The following PTPRN2 variants were observed in gnomAD, a reference collection of about 807,000 sequenced individuals.
PTPRN2 encodes the protein receptor-type tyrosine-protein phosphatase N2.
In PTPRN2, 74 loss-of-function variants were observed where a neutral mutation model predicts 118.8. The observed-to-expected ratio is 0.62, with a 90% confidence interval of 0.52 to 0.76. PTPRN2 has a LOEUF of 0.76. Ranked by LOEUF, PTPRN2 falls within the 30% of genes least tolerant of loss-of-function variation. The pLI is 0.00. For synonymous variants in PTPRN2, 641 were observed against 608.0 expected, an observed-to-expected ratio of 1.05 and a Z score of -0.80; for missense variants, 1,481 against 1,394.4, an observed-to-expected ratio of 1.06 and a Z score of -0.99.
At chr7:158,077,156 G>A (rs938809336) in intron 11 of PTPRN2, among the ~76,000 whole-genome samples, 6 of 152,164 alleles carry the variant, frequency 3.9e-5, no homozygotes, top group South Asian at 2.1e-4. Context: ...TCCAGGCATC[G>A]GCACAGAGTC....
chr7:158,584,488 T>C (rs565975436), intron 1 of PTPRN2, among the ~76,000 whole-genome samples: 1 of 152,224 alleles, frequency 6.6e-6, no homozygotes, highest in East Asian at 1.9e-4. Context: ...CACAGCAATG[T>C]TATTTTGGCT....
At chr7:158,275,986 G>A (rs572530891) in intron 3 of PTPRN2, among the ~76,000 whole-genome samples, 192 of 152,232 alleles carry the variant, frequency 1.3e-3, no homozygotes, top group Non-Finnish European at 2.5e-3. Context: ...CAGCATCCCC[G>A]CCGCCTTACA....
chr7:157,699,276 C>T (rs1797955116), intron 12 of PTPRN2, among the ~76,000 whole-genome samples: 1 of 152,160 alleles, frequency 6.6e-6, no homozygotes, highest in Non-Finnish European at 1.5e-5. Flanking sequence ...ACAGCAACAG[C>T]CTGACAAAGC....
chr7:158,459,443 G>A (rs1465202664), intron 2 of PTPRN2, among the ~76,000 whole-genome samples: 1 of 152,134 alleles, frequency 6.6e-6, no homozygotes, highest in East Asian at 1.9e-4. Flanking sequence ...GCCCCTGCCT[G>A]GGACGAACGG....
intron 2 of PTPRN2, among the ~76,000 whole-genome samples, chr7:158,380,396 T>A (rs1442437781): frequency 6.6e-6 from 1 of 152,206 alleles, no homozygotes; most frequent in East Asian, 1.9e-4. Flanking sequence ...ACAAAGAGGC[T>A]ACAGGCCCCA....
intron 1 of PTPRN2, among the ~76,000 whole-genome samples, chr7:158,523,591 A>G (rs112069856): frequency 0.038 from 1,137 of 30,224 alleles, 14 homozygotes; most frequent in Middle Eastern, 0.091. Flanking sequence ...GAGTGGAGTC[A>G]TCTGCCCTGG....
intron 2 of PTPRN2, among the ~76,000 whole-genome samples, chr7:158,357,168 G>A (rs1051846402): frequency 6.6e-6 from 1 of 152,228 alleles, no homozygotes; most frequent in Non-Finnish European, 1.5e-5. Flanking sequence ...TGAACACGGG[G>A]CTTGTTTGCA....
intron 12 of PTPRN2, among the ~76,000 whole-genome samples, chr7:157,841,457 C>G (rs983708442): frequency 6.6e-6 from 1 of 152,216 alleles, no homozygotes; most frequent in Non-Finnish European, 1.5e-5. Context: ...GAAGGATCCT[C>G]CCCTTCCCAC....
Position 158,563,384 on chromosome 7 carries a change from G to A in PTPRN2, c.112+24174C>T, listed in dbSNP as rs1384476141. On this transcript the variant is annotated intron_variant, in intron 1 of 22. Transcript: ENST00000389418. The surrounding 1 kb of genome is among the most constrained non-coding windows in gnomAD (Gnocchi z 5.1). Reference sequence around the variant, plus strand: ...AGTGAGAACAAAAGCATCACAAAATGCAAGTCTTATTACTGCAGCAGTTTG... The same window carrying A: ...AGTGAGAACAAAAGCATCACAAAATACAAGTCTTATTACTGCAGCAGTTTG... Among the ~76,000 whole-genome samples, 1 of 152,228 alleles carries A rather than the reference G, an allele frequency of 6.6e-6. No individual in the cohort carries two copies. The highest frequency in any genetic ancestry group is 2.1e-4 in the South Asian group (1 of 4,834).
chr7:158,062,336 G>C (rs1810407962), intron 11 of PTPRN2, among the ~76,000 whole-genome samples: 1 of 152,388 alleles, frequency 6.6e-6, no homozygotes, highest in South Asian at 2.1e-4. Context: ...TGCTGTTACA[G>C]TCAGTGCACA....
Position 157,744,602 on chromosome 7 carries a change from G to C in PTPRN2, c.1789-61665C>G, listed in dbSNP as rs192677821. The stretch of plus-strand genomic sequence containing the variant: ...TCTAGAACCTCAATTTAAGATATGA[G>C]ATTGGGTCTGCTTTTGAATTTTAGA... On this transcript the variant is annotated intron_variant, in intron 12 of 22. Transcript: ENST00000389418. Among the ~76,000 whole-genome samples the C allele has an allele frequency of 3.7e-4, 57 of 152,312 alleles. 1 individual carries two copies. Among genetic ancestry groups the C allele is most frequent in the African/African-American group, 1.4e-3 (57 of 41,550 alleles).
intron 11 of PTPRN2, among the ~76,000 whole-genome samples, chr7:158,006,525 C>G (rs1805642228): frequency 6.6e-6 from 1 of 152,250 alleles, no homozygotes; most frequent in Non-Finnish European, 1.5e-5. Flanking sequence ...AGGCAAAGAT[C>G]TGGCGAGGGA....
At chr7:158,557,028 GTCAGA>G (rs1827068002) in intron 1 of PTPRN2, among the ~76,000 whole-genome samples, 1 of 134,556 alleles carries the variant, frequency 7.4e-6, no homozygotes, top group African/African-American at 3.1e-5. Context: ...TCCCACGCAG[GTCAGA>G]GGGCTCCCGC....
intron 3 of PTPRN2, among the ~76,000 whole-genome samples, chr7:158,270,883 G>GGCCTCCCCCC (rs1798379774): frequency 1.6e-5 from 1 of 61,498 alleles, no homozygotes; most frequent in African/African-American, 8.2e-5. Context: ...CCTCCACCTG[G>GGCCTCCCCCC]ATGACCCCCT....
intron 11 of PTPRN2, among the ~76,000 whole-genome samples, chr7:157,982,308 CTGAGT>C (rs1289564535): frequency 8.8e-4 from 37 of 42,280 alleles, no homozygotes; most frequent in Non-Finnish European, 1.6e-3. Flanking sequence ...CCCCCAAACC[CTGAGT>C]CATAGAGCCA....
At chr7:158,163,309 T>TA (rs1563540699) in intron 6 of PTPRN2, among the ~76,000 whole-genome samples, 1 of 149,318 alleles carries the variant, frequency 6.7e-6, no homozygotes. Flanking sequence ...TCATAGGTGA[T>TA]ACCTGCACGG....
intron 3 of PTPRN2, among the ~76,000 whole-genome samples, chr7:158,305,853 C>T (rs763879224): frequency 1.4e-4 from 21 of 151,888 alleles, no homozygotes; most frequent in Non-Finnish European, 1.9e-4. Context: ...GCAAGAACAG[C>T]GAACTTCCTG....
intron 11 of PTPRN2, among the ~76,000 whole-genome samples, chr7:157,901,290 C>T (rs947821634): frequency 6.6e-6 from 1 of 152,190 alleles, no homozygotes; most frequent in African/African-American, 2.4e-5. Context: ...GCACCTCCAA[C>T]ATGGGGACCA....
At position 157,591,934 on chromosome 7, in the gene PTPRN2, A is replaced by G. The variant is rs893865375; in HGVS notation, c.2496+3304T>C. Among the ~76,000 whole-genome samples, 1 of 152,170 alleles carries G rather than the reference A, an allele frequency of 6.6e-6. No individual in the cohort carries two copies. The highest frequency in any genetic ancestry group is 1.9e-4 in the East Asian group (1 of 5,184). On this transcript the variant is annotated intron_variant, in intron 17 of 22. Transcript: ENST00000389418. The surrounding 1 kb of genome is among the most constrained non-coding windows in gnomAD (Gnocchi z 4.4). ...ATGAAGCGAGTTTCTTTAGTTCACA[A>G]TTTCTCAGAGGCTCTGCTCGGCTGG...
Sources: allele counts gnomAD v4.1 joint callset (sites outside exome capture counted in the v4.1 genomes callset), GRCh38; gene constraint gnomAD v4.1.1; non-coding constraint Gnocchi (gnomAD v3.1); transcripts MANE v1.5; gene names NCBI Gene and HGNC (gene_info 2026-07-23, HGNC 2026-07-21).